Variants in CORO6 observed in about 807,000 individuals in gnomAD.
CORO6 encodes the protein coronin-6.
A neutral mutation model predicts 49.0 loss-of-function variants in CORO6; 43 were observed. The observed-to-expected ratio is 0.88, with a 90% CI of 0.69 to 1.13. The LOEUF (loss-of-function observed/expected upper bound fraction) is 1.13, where lower values mean the gene tolerates loss of function less well. CORO6 is among the 50% of genes most tolerant of loss of function. The pLI is 0.00. For missense variants in CORO6, 650 were observed against 647.0 expected (o/e 1.00, Z -0.05); for synonymous variants, 233 against 256.5 (o/e 0.91, Z 0.88).
In CORO6 at chr17:29,621,123, C is replaced by T. The variant is rs960630204; in HGVS notation, c.198+101G>A. The T allele has an allele frequency of 1.4e-5, 20 of 1,453,116 alleles. No homozygotes were observed. The African/African-American group carries it at 2.2e-4, about 16-fold the overall frequency. The allele number at this position is 1,453,116 out of a possible 1,614,324, so 90.0% of individuals were successfully genotyped here. A position where few individuals can be genotyped will look rare whatever the true frequency, so the allele number is the denominator to read the frequency against. ...GAGGAGCCAATCCACACAGATGCTT[C>T]TCCTGACTATGGAATGGAACTAGGT... On this transcript the variant is annotated intron_variant, in intron 2 of 10. Coordinates refer to ENST00000388767, the MANE Select transcript of CORO6 (RefSeq NM_032854.4). The surrounding 1 kb of genome is among the most constrained non-coding windows in gnomAD (Gnocchi z 4.2).
At chr17:29,618,249 C>T (rs2035107671) in intron 5 of CORO6, 7 of 1,307,668 alleles carry the variant, frequency 5.4e-6, no homozygotes, top group Admixed American at 3.9e-5. Context: ...CAGACATGCA[C>T]GCGGCCCACG....
rs1173353565 is a variant in CORO6 at position 29,618,837 on chromosome 17, C to T, written c.586G>A (p.Asp196Asn). ...GGGTCAATGATGCGCAAGGTCTTGT[C>T]CTTGCAGGTGGTGGCTAGCAGGCTA... is the stretch of plus-strand genomic sequence containing the variant. ...NGSLLATTCK[D>N]KTLRIIDPRK... Residue 196 changes from aspartate to asparagine, a missense_variant, in exon 5 of 11, where the codon GAC (aspartate) becomes AAC (asparagine). Transcript: ENST00000388767. 3.1e-6 allele frequency: 5 copies of T among 1,613,910 alleles called. No homozygotes were observed. The African/African-American group carries it at 5.3e-5, about 17-fold the overall frequency.
chr17:29,617,165 A>G, intron 6 of CORO6, 123 bp from the exon 7 acceptor site: 1 of 1,552,348 alleles, frequency 6.4e-7, no homozygotes, highest in Non-Finnish European at 8.7e-7. Context: ...TCTAGTGACC[A>G]GAGTTGCAGG....
chr17:29,618,304 G>A (rs2035111375), intron 5 of CORO6: 2 of 1,291,940 alleles, frequency 1.5e-6, no homozygotes, highest in Admixed American at 3.9e-5. Context: ...GGCCAGGGCC[G>A]CCGCCCTCCC....
In CORO6 at chr17:29,616,222, C is replaced by G; in HGVS notation, c.1063-47G>C. 1 of 1,610,374 alleles carries G rather than the reference C, an allele frequency of 6.2e-7. No homozygotes were observed. Among genetic ancestry groups the G allele is most frequent in the Non-Finnish European group, 8.5e-7 (1 of 1,178,040 alleles). On this transcript the variant is annotated intron_variant, in intron 9 of 10. Coordinates refer to ENST00000388767, the MANE Select transcript of CORO6 (RefSeq NM_032854.4). This position sits in a 1 kb window ranked among gnomAD's most constrained non-coding sequence, Gnocchi z 5.6. ...AGGACTTGCGTGAGAGGGTGCGGGG[C>G]TTGCTCCGCTCCCTTCCGCCTCGTA... is the stretch of plus-strand genomic sequence containing the variant.
At chr17:29,617,086 C>G (rs746326129) in intron 6 of CORO6, 44 bp from the exon 7 acceptor site, 1 of 1,597,514 alleles carries the variant, frequency 6.3e-7, no homozygotes, top group African/African-American at 1.3e-5. Context: ...CCCACCCTCC[C>G]GTGCTACTTC....
At chr17:29,618,464 A>G (rs1443144350) in intron 5 of CORO6, 2 of 1,287,206 alleles carry the variant, frequency 1.6e-6, no homozygotes, top group African/African-American at 1.5e-5. Flanking sequence ...AGAGGGGTCC[A>G]GGAGCTCAGG....
In CORO6 at chr17:29,621,606, G is replaced by C; in HGVS notation, c.-63-122C>G. On this transcript the variant is annotated intron_variant, in intron 1 of 10. Coordinates refer to ENST00000388767, the MANE Select transcript of CORO6 (RefSeq NM_032854.4). The surrounding 1 kb of genome is among the most constrained non-coding windows in gnomAD (Gnocchi z 4.2). ...GGGAGCTTTCTTCAAGGTGGTCAAA[G>C]TATGGGAAAGTTATTTTGCTGTGTA... 1 of 1,023,426 alleles carries C rather than the reference G, an allele frequency of 9.8e-7. No individual in the cohort carries two copies. The highest frequency in any genetic ancestry group is 1.7e-5 in the South Asian group (1 of 59,200). The allele number at this position is 1,023,426 out of a possible 1,614,324, so 63.4% of individuals were successfully genotyped here. A position where few individuals can be genotyped will look rare whatever the true frequency, so the allele number is the denominator to read the frequency against.
intron 2 of CORO6, among the ~76,000 whole-genome samples, chr17:29,620,187 C>T (rs2035237167): frequency 6.6e-6 from 1 of 152,236 alleles, no homozygotes; most frequent in South Asian, 2.1e-4. Context: ...TCCTGGCCTC[C>T]CTTGGCAGAT....
intron 5 of CORO6, 60 bp downstream of exon 5, chr17:29,618,730 G>C: frequency 6.4e-7 from 1 of 1,573,998 alleles, no homozygotes; most frequent in Non-Finnish European, 8.6e-7. Context: ...TGGGTACAAG[G>C]GTGCTGACAG....
chr17:29,620,039 T>C (rs1343506894), intron 2 of CORO6, among the ~76,000 whole-genome samples: 1 of 152,212 alleles, frequency 6.6e-6, no homozygotes, highest in Admixed American at 6.5e-5. Flanking sequence ...AGATTTGAAC[T>C]TTCCAGCCCA....
rs972028580 is a variant in CORO6 at position 29,615,886 on chromosome 17, G to C, written c.1294-29C>G. 2.5e-6 allele frequency: 4 copies of C among 1,595,138 alleles called. No homozygotes were observed. In the East Asian group the frequency reaches 6.7e-5, roughly 27 times the overall value. On this transcript the variant is annotated intron_variant, in intron 10 of 10. Coordinates refer to ENST00000388767, the MANE Select transcript of CORO6 (RefSeq NM_032854.4). ...GGGCGGAGGACAGAGAGGCCGTGTC[G>C]TATAGGGGCGGTTGGGGGAGATGTA...
intron 5 of CORO6, chr17:29,618,568 A>T: frequency 7.3e-7 from 1 of 1,377,942 alleles, no homozygotes. Context: ...CTGAGATGCA[A>T]GGGAGGGGAG....
In CORO6 at chr17:29,619,189, C is replaced by A; in HGVS notation, c.322G>T (p.Val108Leu). ...ASASDDTTIM[V>L]WQIPDYTPMR... Reference sequence around the variant, plus strand: ...GGGGTATAGTCTGGAATCTGCCACACCTGGGTAGGAAGAAAAGGTATATGG... The same window carrying A: ...GGGGTATAGTCTGGAATCTGCCACAACTGGGTAGGAAGAAAAGGTATATGG... Residue 108 changes from valine (V) to leucine (L), a missense_variant and splice_region_variant, in exon 4 of 11, where the codon GTG (valine) becomes TTG (leucine). Transcript: ENST00000388767. The A allele has an allele frequency of 6.2e-7, 1 of 1,613,380 alleles. No homozygotes were observed. Among genetic ancestry groups the A allele is most frequent in the South Asian group, 1.1e-5 (1 of 91,050 alleles).
chr17:29,621,494 G>A lies in CORO6; in HGVS notation c.-63-10C>T, dbSNP rs2035306749. On this transcript the variant is annotated splice_polypyrimidine_tract_variant and intron_variant, in intron 1 of 10. Coordinates refer to ENST00000388767, the MANE Select transcript of CORO6 (RefSeq NM_032854.4). The surrounding 1 kb of genome is among the most constrained non-coding windows in gnomAD (Gnocchi z 4.2). ...TCCTTAGTCCTGTGAGCTGCGGGAGGGAGGAGGAGTGGAGGGGTGGCTGAT... is the reference window on the plus strand; with the variant it reads ...TCCTTAGTCCTGTGAGCTGCGGGAGAGAGGAGGAGTGGAGGGGTGGCTGAT... The A allele has an allele frequency of 6.5e-7, 1 of 1,542,454 alleles. No homozygotes were observed. Among genetic ancestry groups the A allele is most frequent in the Non-Finnish European group, 8.8e-7 (1 of 1,140,002 alleles).
intron 2 of CORO6, among the ~76,000 whole-genome samples, chr17:29,620,966 C>T (rs372167192): frequency 6.6e-6 from 1 of 152,272 alleles, no homozygotes; most frequent in African/African-American, 2.4e-5. Flanking sequence ...ACCCGGCTCC[C>T]CTCCTGGTCC....
chr17:29,616,851 CA>C lies in CORO6; in HGVS notation c.859-5del. 1.2e-6 allele frequency: 2 copies of C among 1,612,956 alleles called. No individual in the cohort carries two copies. Among genetic ancestry groups the C allele is most frequent in the Non-Finnish European group, 8.5e-7 (1 of 1,179,336 alleles). On this transcript the variant is annotated splice_region_variant and splice_polypyrimidine_tract_variant and intron_variant, in intron 7 of 10. Coordinates refer to ENST00000388767, the MANE Select transcript of CORO6 (RefSeq NM_032854.4). This position sits in a 1 kb window ranked among gnomAD's most constrained non-coding sequence, Gnocchi z 5.6. Reference sequence around the variant, plus strand: ...AGTACCGAATGCTGCTGTCGCCCTGCAAAATCAGTCGGTTCAGGGGCGCGCC... The same window carrying C: ...AGTACCGAATGCTGCTGTCGCCCTGCAAATCAGTCGGTTCAGGGGCGCGCC...
chr17:29,617,087 G>T (rs770055458), intron 6 of CORO6, 45 bp from the exon 7 acceptor site: 3 of 1,582,238 alleles, frequency 1.9e-6, no homozygotes, highest in Non-Finnish European at 2.6e-6. Context: ...CCACCCTCCC[G>T]TGCTACTTCG....
chr17:29,618,819 T>C lies in CORO6; in HGVS notation c.604A>G (p.Ile202Val), dbSNP rs1403386988. Reference sequence around the variant, plus strand: ...ACCACTTGGCCTTTTCTGGGGTCAATGATGCGCAAGGTCTTGTCCTTGCAG... The same window carrying C: ...ACCACTTGGCCTTTTCTGGGGTCAACGATGCGCAAGGTCTTGTCCTTGCAG... ...TTCKDKTLRI[I>V]DPRKGQVVAE... Residue 202 changes from isoleucine to valine, a missense_variant, in exon 5 of 11, where the codon ATT (isoleucine) becomes GTT (valine). Physicochemically the swap from Ile to Val is conservative, Grantham distance 29 (BLOSUM62 3). Coordinates refer to ENST00000388767, the MANE Select transcript of CORO6 (RefSeq NM_032854.4). The C allele has an allele frequency of 6.2e-7, 1 of 1,613,860 alleles. No homozygotes were observed. The highest frequency in any genetic ancestry group is 2.2e-5 in the East Asian group (1 of 44,884).
Sources: allele counts gnomAD v4.1 joint callset (sites outside exome capture counted in the v4.1 genomes callset), GRCh38; gene constraint gnomAD v4.1.1; non-coding constraint Gnocchi (gnomAD v3.1); transcripts MANE v1.5; gene names NCBI Gene and HGNC (gene_info 2026-07-23, HGNC 2026-07-21).